MOCOS: variants seen among roughly 807,000 people sequenced by gnomAD.
MOCOS encodes human molybdenum cofactor sulfurase.
Under a neutral mutation model 83.6 loss-of-function variants are expected in MOCOS, and 86 were observed. The ratio of observed to expected loss-of-function variants is 1.03; its 90% CI spans 0.86 to 1.23. The LOEUF is 1.23. Among genes scored for constraint, MOCOS ranks in the 50% most tolerant of loss-of-function variants. The pLI is 0.00. For missense variants in MOCOS, 1,120 were observed against 1,126.9 expected (o/e 0.99, Z 0.09); for synonymous variants, 445 against 434.7 (o/e 1.02, Z -0.29).
intron 9 of MOCOS, among the ~76,000 whole-genome samples, chr18:36,246,510 C>T (rs533378248): frequency 1.3e-5 from 2 of 152,334 alleles, no homozygotes; most frequent in East Asian, 3.9e-4. Context: ...GATACCAGCA[C>T]CTGCTCTAGT....
In MOCOS at chr18:36,257,911, G is replaced by A. The variant is rs186070922; in HGVS notation, c.2270+838G>A. On this transcript the variant is annotated intron_variant, in intron 12 of 14. Coordinates refer to ENST00000261326, the MANE Select transcript of MOCOS (RefSeq NM_017947.4). ...TTAATAAAGCTGACTAAGCCACCTC[G>A]TCCGCCTCTGCAGGGATGGGCTATT... Among the ~76,000 whole-genome samples, 183 of 152,268 alleles carry A rather than the reference G, an allele frequency of 1.2e-3. 1 individual carries two copies. The highest frequency in any genetic ancestry group is 4.0e-3 in the African/African-American group (165 of 41,538).
chr18:36,220,933 G>GAAA (rs71712889), intron 9 of MOCOS, among the ~76,000 whole-genome samples: 8 of 144,828 alleles, frequency 5.5e-5, no homozygotes, highest in Non-Finnish European at 9.1e-5. Context: ...TGTCTCAAAA[G>GAAA]AAAAAAAAAA....
chr18:36,247,969 G>C (rs1846468292), intron 9 of MOCOS, among the ~76,000 whole-genome samples: 1 of 152,154 alleles, frequency 6.6e-6, no homozygotes, highest in African/African-American at 2.4e-5. Flanking sequence ...TAAATACCCA[G>C]AAGTGGGATT....
Position 36,260,068 on chromosome 18 carries a change from C to T in MOCOS, c.2302C>T (p.Leu768=). ...GAATGGAAAGGAGGAATTATTCTCA[C>T]TGAAGGATCTCAGCTTGCGTTTTCG... The part of the protein sequence containing the change: ...DENGKEELFS[L]KDLSLRFRAN... The change falls in exon 13 of 15, where the codon CTG becomes TTG. Residue 768 remains leucine, a synonymous_variant. Coordinates refer to ENST00000261326, the MANE Select transcript of MOCOS (RefSeq NM_017947.4). The T allele has an allele frequency of 6.2e-7, 1 of 1,614,184 alleles. No homozygotes were observed. Among genetic ancestry groups the T allele is most frequent in the Admixed American group, 1.7e-5 (1 of 60,022 alleles).
At chr18:36,241,730 T>G (rs2091583854) in intron 9 of MOCOS, among the ~76,000 whole-genome samples, 1 of 152,248 alleles carries the variant, frequency 6.6e-6, no homozygotes, top group African/African-American at 2.4e-5. Context: ...TGTCTGGATA[T>G]CCAGGCATTT....
rs1385741290 is a variant in MOCOS, at chr18:36,271,150, A to C, written c.*2465A>C. ...CTTTTGATTTCAGACATTTTAATGC[A>C]GATCCTCTCCTTTACAGCACTATTA... On this transcript the variant is annotated 3_prime_UTR_variant, in exon 15 of 15. Coordinates refer to ENST00000261326, the MANE Select transcript of MOCOS (RefSeq NM_017947.4). 6.6e-6 allele frequency: 1 copy of C among 152,110 alleles called. No individual in the cohort carries two copies. Among genetic ancestry groups the C allele is most frequent in the East Asian group, 1.9e-4 (1 of 5,194 alleles). The allele number at this position is 152,110 out of a possible 1,614,324, so 9.4% of individuals were successfully genotyped here.
chr18:36,242,163 C>T (rs2091586194), intron 9 of MOCOS, among the ~76,000 whole-genome samples: 1 of 152,222 alleles, frequency 6.6e-6, no homozygotes, highest in Admixed American at 6.5e-5. Flanking sequence ...ATTTTCCAAA[C>T]TCTTATGCTC....
At chr18:36,207,733 T>A (rs1478747638) in intron 6 of MOCOS, among the ~76,000 whole-genome samples, 1 of 152,202 alleles carries the variant, frequency 6.6e-6, no homozygotes, top group East Asian at 1.9e-4. Context: ...TTTTCTCTCA[T>A]TCTGTAGGTT....
chr18:36,192,744 CT>C (rs1312141949), intron 1 of MOCOS, among the ~76,000 whole-genome samples: 15 of 152,072 alleles, frequency 9.9e-5, no homozygotes, highest in African/African-American at 3.6e-4. Context: ...ACCTCCCAGG[CT>C]CAAGTGATTA....
intron 13 of MOCOS, among the ~76,000 whole-genome samples, chr18:36,265,740 G>GATATAT (rs35832849): frequency 3.6e-3 from 540 of 149,442 alleles, no homozygotes; most frequent in African/African-American, 0.012. Flanking sequence ...GGTACGTATG[G>GATATAT]ATATATATAT....
rs1348644714 is a variant in MOCOS at position 36,269,557 on chromosome 18, G to A, written c.*872G>A. On this transcript the variant is annotated 3_prime_UTR_variant, in exon 15 of 15. Coordinates refer to ENST00000261326, the MANE Select transcript of MOCOS (RefSeq NM_017947.4). ...TGAGGAAATCTCATTCTCTAATGAA[G>A]TTACCCATCCCGCTGAGTTTCTAAG... 6.6e-6 allele frequency: 1 copy of A among 152,292 alleles called. No homozygotes were observed. Among genetic ancestry groups the A allele is most frequent in the East Asian group, 1.9e-4 (1 of 5,198 alleles). The allele number at this position is 152,292 out of a possible 1,614,324, so 9.4% of individuals were successfully genotyped here.
Position 36,205,813 on chromosome 18 carries a change from C to T in MOCOS, c.1218+537C>T, listed in dbSNP as rs140480018. Among the ~76,000 whole-genome samples, 317 of 152,274 alleles carry T rather than the reference C, an allele frequency of 2.1e-3. 1 individual carries two copies. The highest frequency in any genetic ancestry group is 7.3e-3 in the African/African-American group (305 of 41,554). On this transcript the variant is annotated intron_variant, in intron 6 of 14. Coordinates refer to ENST00000261326, the MANE Select transcript of MOCOS (RefSeq NM_017947.4). ...GGCATGCAATGGCATGATCTTGGCT[C>T]ACTGCAACCTCCACCTCTTGGGTTC...
chr18:36,229,795 CT>C (rs528340670), intron 9 of MOCOS, among the ~76,000 whole-genome samples: 4 of 151,906 alleles, frequency 2.6e-5, no homozygotes, highest in Non-Finnish European at 5.9e-5. Context: ...TTGAACCTCT[CT>C]TATAATAAAT....
intron 2 of MOCOS, 41 bp from the exon 3 acceptor site, chr18:36,198,649 C>G: frequency 6.2e-7 from 1 of 1,603,374 alleles, no homozygotes; most frequent in Non-Finnish European, 8.5e-7. Context: ...AGAAGCGACC[C>G]TAAGTAGTGA....
intron 9 of MOCOS, among the ~76,000 whole-genome samples, chr18:36,248,656 T>C (rs1384978180): frequency 6.6e-6 from 1 of 152,254 alleles, no homozygotes; most frequent in Non-Finnish European, 1.5e-5. Flanking sequence ...TTCTTCTGCA[T>C]ATGGTTATCT....
At chr18:36,202,868 G>A (rs530535765) in intron 4 of MOCOS, among the ~76,000 whole-genome samples, 1 of 152,224 alleles carries the variant, frequency 6.6e-6, no homozygotes, top group South Asian at 2.1e-4. Context: ...GATCTCGTGA[G>A]AACTCCCTCA....
chr18:36,267,016 T>G (rs1047043552), intron 14 of MOCOS, among the ~76,000 whole-genome samples, 163 bp downstream of exon 14: 1 of 151,180 alleles, frequency 6.6e-6, no homozygotes, highest in African/African-American at 2.4e-5. Context: ...TAGTTTCATT[T>G]TATTTTTCCT....
intron 13 of MOCOS, among the ~76,000 whole-genome samples, chr18:36,263,088 G>A (rs2144155864): frequency 6.6e-6 from 1 of 152,250 alleles, no homozygotes; most frequent in South Asian, 2.1e-4. Context: ...CAGCCTGGGT[G>A]ACAGAGCAAG....
In MOCOS at chr18:36,205,164, C is replaced by T. The variant is rs533721204; in HGVS notation, c.1106C>T (p.Ala369Val). ...ALSSLQYPNGAPVVRIYSDSE... is the reference protein window; with the variant it reads ...ALSSLQYPNGVPVVRIYSDSE... The stretch of plus-strand genomic sequence containing the variant: ...TCCTCTCTCCAGTACCCCAATGGAG[C>T]CCCTGTGGTGCGGATTTACAGCGAT... The change falls in exon 6 of 15, where the codon GCC becomes GTC. Residue 369 changes from alanine to valine, a missense_variant. Transcript: ENST00000261326. 6.2e-7 allele frequency: 1 copy of T among 1,613,322 alleles called. No individual in the cohort carries two copies. Among genetic ancestry groups the T allele is most frequent in the African/African-American group, 1.3e-5 (1 of 74,856 alleles).
Sources: gnomAD v4.1 joint callset for allele counts (sites outside exome capture counted in the v4.1 genomes callset) on GRCh38, gnomAD v4.1.1 for gene constraint, MANE v1.5 for transcripts, NCBI Gene and HGNC (gene_info 2026-07-23, HGNC 2026-07-21) for gene names.